NAV2: variants seen among roughly 807,000 people sequenced by gnomAD.
The protein encoded by NAV2 is neuron navigator 2.
A neutral mutation model predicts 223.2 loss-of-function variants in NAV2; 54 were observed. That is an observed-to-expected ratio of 0.24 (90% CI 0.19 to 0.30). The LOEUF is 0.30. NAV2 is among the 10% of genes least tolerant of loss of function. The pLI, the probability that NAV2 is intolerant of heterozygous loss-of-function variation, is 1.00. For synonymous variants in NAV2, 1,279 were observed against 1,239.3 expected, an observed-to-expected ratio of 1.03 and a Z score of -0.67; for missense variants, 2,806 against 3,147.5, an observed-to-expected ratio of 0.89 and a Z score of 2.60.
At chr11:19,461,896 C>T (rs998534475) in intron 1 of NAV2, among the ~76,000 whole-genome samples, 1 of 152,204 alleles carries the variant, frequency 6.6e-6, no homozygotes, top group Non-Finnish European at 1.5e-5. Context: ...CCCTCCGCCT[C>T]CCGGATTCCA....
chr11:19,989,030 G>A (rs962097979), intron 11 of NAV2, among the ~76,000 whole-genome samples: 2 of 152,204 alleles, frequency 1.3e-5, no homozygotes, highest in African/African-American at 4.8e-5. Context: ...CCTACTGAGA[G>A]CCACATAAGA....
intron 1 of NAV2, among the ~76,000 whole-genome samples, chr11:19,444,844 A>T (rs1042563981): frequency 1.5e-4 from 22 of 151,598 alleles, no homozygotes; most frequent in African/African-American, 4.8e-4. Flanking sequence ...GAATGCCTAG[A>T]TGTGAATTCC....
chr11:19,437,579 C>T (rs1286407355), intron 1 of NAV2, among the ~76,000 whole-genome samples: 4 of 152,110 alleles, frequency 2.6e-5, no homozygotes, highest in Non-Finnish European at 5.9e-5. Context: ...GGCTGAATTC[C>T]TTCTTTAGGC....
intron 1 of NAV2, among the ~76,000 whole-genome samples, chr11:19,465,864 G>C (rs1012526458): frequency 6.6e-6 from 1 of 152,164 alleles, no homozygotes; most frequent in African/African-American, 2.4e-5. Flanking sequence ...AATATTTTAG[G>C]ATTAGAAATG....
At chr11:19,758,245 G>A (rs116607458) in intron 1 of NAV2, among the ~76,000 whole-genome samples, 2,378 of 152,300 alleles carry the variant, frequency 0.016, 65 homozygotes, top group African/African-American at 0.054. Flanking sequence ...TAGTGTGAAG[G>A]AACCAGGTGA....
chr11:19,511,076 G>A (rs2043263880), intron 1 of NAV2: 1 of 152,210 alleles, frequency 6.6e-6, no homozygotes, highest in South Asian at 2.1e-4. Context: ...AACAAGTCCA[G>A]GAGGTTCAAG....
chr11:19,494,217 T>C (rs2042722652), intron 1 of NAV2, among the ~76,000 whole-genome samples: 1 of 152,238 alleles, frequency 6.6e-6, no homozygotes, highest in Non-Finnish European at 1.5e-5. Flanking sequence ...GTTAGGTCAC[T>C]GTGGGTGGAG....
At chr11:19,586,884 A>T (rs1023783311) in intron 1 of NAV2, among the ~76,000 whole-genome samples, 2 of 152,182 alleles carry the variant, frequency 1.3e-5, no homozygotes, top group African/African-American at 2.4e-5. Context: ...GTGCTGTGGG[A>T]ACCACTACTC....
intron 32 of NAV2, among the ~76,000 whole-genome samples, chr11:20,102,029 C>T (rs960015842): frequency 6.6e-6 from 1 of 152,146 alleles, no homozygotes; most frequent in Non-Finnish European, 1.5e-5. Flanking sequence ...TTGTTTGAGG[C>T]TGGGTATCTG....
chr11:19,857,631 G>C (rs929689609), intron 3 of NAV2, among the ~76,000 whole-genome samples: 1 of 152,154 alleles, frequency 6.6e-6, no homozygotes, highest in Non-Finnish European at 1.5e-5. Flanking sequence ...GTCTACCTCT[G>C]TTGTCTGTCT....
intron 6 of NAV2, among the ~76,000 whole-genome samples, chr11:19,931,049 C>T (rs1357205909): frequency 6.6e-6 from 1 of 152,242 alleles, no homozygotes; most frequent in Non-Finnish European, 1.5e-5. Context: ...ATCTGCATTT[C>T]TGGCTGTGTA....
intron 1 of NAV2, among the ~76,000 whole-genome samples, chr11:19,686,983 G>A (rs2049041926): frequency 6.6e-6 from 1 of 152,194 alleles, no homozygotes; most frequent in Non-Finnish European, 1.5e-5. Flanking sequence ...AGATTAGAAA[G>A]TTTATATAAC....
chr11:19,346,330 G>T (rs1853004124), upstream of NAV2, among the ~76,000 whole-genome samples: 1 of 152,218 alleles, frequency 6.6e-6, no homozygotes, highest in South Asian at 2.1e-4. Flanking sequence ...GTATGTGTTG[G>T]TGGGGGTGGT....
chr11:19,615,761 T>A (rs1283099829), intron 1 of NAV2, among the ~76,000 whole-genome samples: 1 of 152,190 alleles, frequency 6.6e-6, no homozygotes, highest in Non-Finnish European at 1.5e-5. Context: ...AGCCTCCATT[T>A]ATTGAGAGCG....
At chr11:19,816,333 C>T (rs1450586147) in intron 1 of NAV2, among the ~76,000 whole-genome samples, 6 of 152,254 alleles carry the variant, frequency 3.9e-5, no homozygotes, top group Admixed American at 3.9e-4. Context: ...CTTTGCTACA[C>T]AACTTTCCCA....
At chr11:19,583,189 G>T (rs906141871) in intron 1 of NAV2, among the ~76,000 whole-genome samples, 1 of 152,108 alleles carries the variant, frequency 6.6e-6, no homozygotes, top group Non-Finnish European at 1.5e-5. Context: ...CTCTGTTATT[G>T]GTGTATAAGA....
intron 29 of NAV2, 147 bp from the exon 30 acceptor site, chr11:20,095,525 C>T (rs5016736): frequency 3.1e-6 from 2 of 635,444 alleles, no homozygotes; most frequent in South Asian, 3.9e-5. Flanking sequence ...TTACTTCCAC[C>T]TAAGTTATAC....
intron 35 of NAV2, 140 bp from the exon 36 acceptor site, chr11:20,107,523 AC>A (rs1453983975): frequency 1.2e-5 from 8 of 679,418 alleles, no homozygotes; most frequent in Non-Finnish European, 2.1e-5. Context: ...GGGCTAGTAT[AC>A]CTGCGTTCAG....
chr11:19,996,683 T>C (rs1016848583), intron 11 of NAV2, among the ~76,000 whole-genome samples: 1 of 152,218 alleles, frequency 6.6e-6, no homozygotes, highest in African/African-American at 2.4e-5. Context: ...CCCCTGTGGC[T>C]GTTTTGCGTC....
Sources: allele counts gnomAD v4.1 joint callset (sites outside exome capture counted in the v4.1 genomes callset), GRCh38; gene constraint gnomAD v4.1.1; transcripts MANE v1.5; gene names NCBI Gene and HGNC (gene_info 2026-07-23, HGNC 2026-07-21).